Variants in ACSBG1 observed in about 807,000 individuals in gnomAD.
ACSBG1 encodes acyl-CoA synthetase bubblegum family member 1, also known as long-chain-fatty-acid--CoA ligase ACSBG1.
A neutral mutation model predicts 80.2 loss-of-function variants in ACSBG1; 39 were observed. That is an observed-to-expected ratio of 0.49 (90% CI 0.38 to 0.64). The LOEUF (loss-of-function observed/expected upper bound fraction) is 0.64, where lower values mean the gene tolerates loss of function less well. ACSBG1 is among the 30% of genes least tolerant of loss of function. ACSBG1 has a pLI of 0.00. For missense variants in ACSBG1, 828 were observed against 966.4 expected (o/e 0.86, Z 1.90); for synonymous variants, 392 against 379.5 (o/e 1.03, Z -0.38).
chr15:78,175,570 G>A (rs1459542799), intron 11 of ACSBG1, among the ~76,000 whole-genome samples: 1 of 152,222 alleles, frequency 6.6e-6, no homozygotes, highest in African/African-American at 2.4e-5. Context: ...CAGGCCTTAA[G>A]GGAACTGCAG....
At chr15:78,208,938 A>G (rs1034839537) in intron 1 of ACSBG1, among the ~76,000 whole-genome samples, 1 of 152,174 alleles carries the variant, frequency 6.6e-6, no homozygotes, top group African/African-American at 2.4e-5. Context: ...ACACTTTAGG[A>G]CTGCAACAGG....
chr15:78,209,635 A>C (rs555308017), intron 1 of ACSBG1, among the ~76,000 whole-genome samples: 1 of 152,286 alleles, frequency 6.6e-6, no homozygotes, highest in Admixed American at 6.5e-5. Flanking sequence ...CAGCGACGGC[A>C]AACGAGGGAC....
In ACSBG1 at chr15:78,178,972, G is replaced by C. The variant is rs1276355408; in HGVS notation, c.1485-141C>G. 1.8e-5 allele frequency: 15 copies of C among 831,290 alleles called. No homozygotes were observed. In the East Asian group the frequency reaches 4.0e-4, roughly 22 times the overall value. 51.5% of individuals were successfully genotyped at this position (831,290 alleles called of 1,614,324 possible). A position where few individuals can be genotyped will look rare whatever the true frequency, so the allele number is the denominator to read the frequency against. On this transcript the variant is annotated intron_variant, in intron 10 of 13. Transcript: ENST00000258873. The surrounding 1 kb of genome is among the most constrained non-coding windows in gnomAD (Gnocchi z 4.3). The stretch of plus-strand genomic sequence containing the variant: ...ACAGGGCTTTTGTATTTTTACAGGG[G>C]ACTTACAGCTGAAAGGTAGAGCCAA...
chr15:78,210,730 C>T (rs2075259661), intron 1 of ACSBG1, among the ~76,000 whole-genome samples: 1 of 152,216 alleles, frequency 6.6e-6, no homozygotes, highest in African/African-American at 2.4e-5. Flanking sequence ...CCTCTCATCT[C>T]AGCTTCCTGA....
intron 9 of ACSBG1, among the ~76,000 whole-genome samples, 163 bp from the exon 10 acceptor site, chr15:78,179,943 T>C (rs1031563196): frequency 3.3e-5 from 5 of 152,212 alleles, no homozygotes; most frequent in African/African-American, 1.2e-4. Flanking sequence ...ATATTGAACC[T>C]GCCCGTGAAC....
chr15:78,199,658 C>CT (rs1221257567), intron 2 of ACSBG1, among the ~76,000 whole-genome samples: 9,903 of 138,188 alleles, frequency 0.072, 394 homozygotes, highest in African/African-American at 0.12. Context: ...CCATTCCCAG[C>CT]TTTTTTTTTT....
intron 1 of ACSBG1, among the ~76,000 whole-genome samples, chr15:78,220,335 A>G (rs1256032879): frequency 1.3e-5 from 2 of 152,248 alleles, no homozygotes; most frequent in African/African-American, 2.4e-5. Flanking sequence ...ACTCAAATGT[A>G]TAAAAGATCT....
At chr15:78,211,619 A>G (rs994436719) in intron 1 of ACSBG1, among the ~76,000 whole-genome samples, 4 of 152,250 alleles carry the variant, frequency 2.6e-5, no homozygotes, top group African/African-American at 9.6e-5. Context: ...CATGGGAACA[A>G]GAAAACAAAG....
chr15:78,223,506 A>G (rs1186807406), intron 1 of ACSBG1, among the ~76,000 whole-genome samples: 2 of 152,202 alleles, frequency 1.3e-5, no homozygotes, highest in African/African-American at 4.8e-5. Context: ...TAATGAGTCT[A>G]TTTCAGGCAC....
intron 1 of ACSBG1, among the ~76,000 whole-genome samples, chr15:78,215,766 G>A (rs1025808793): frequency 2.0e-5 from 3 of 149,938 alleles, no homozygotes; most frequent in Non-Finnish European, 4.4e-5. Context: ...AAGAAAGAAA[G>A]AAAGAAAGAA....
At chr15:78,182,346 C>T (rs1199651013) in intron 7 of ACSBG1, 120 bp downstream of exon 7, 4 of 1,423,116 alleles carry the variant, frequency 2.8e-6, no homozygotes, top group Non-Finnish European at 3.8e-6. Flanking sequence ...TCTACCTATC[C>T]CAGCTCCTAG....
In ACSBG1 at chr15:78,185,968, T is replaced by C. The variant is rs370889361; in HGVS notation, c.664-3183A>G. 1.2e-4 allele frequency among the ~76,000 whole-genome samples: 18 copies of C among 152,302 alleles called. No homozygotes were observed. In the East Asian group the frequency reaches 3.1e-3, roughly 26 times the overall value. On this transcript the variant is annotated intron_variant, in intron 5 of 13. Transcript: ENST00000258873. ...AGCACCTTTTCAGACAAAGACAAGC[T>C]GAAAGAATGTATTGCCATCAGACCT...
At chr15:78,229,941 T>G (rs150257595) in intron 1 of ACSBG1, among the ~76,000 whole-genome samples, 35 of 152,288 alleles carry the variant, frequency 2.3e-4, no homozygotes, top group African/African-American at 7.7e-4. Flanking sequence ...CGTAACATCT[T>G]CACAATCATG....
intron 7 of ACSBG1, 110 bp downstream of exon 7, chr15:78,182,356 G>A: frequency 6.8e-7 from 1 of 1,468,516 alleles, no homozygotes; most frequent in Non-Finnish European, 9.2e-7. Flanking sequence ...CCAGCTCCTA[G>A]AGCAGAGGGG....
Position 78,178,606 on chromosome 15 carries a change from G to A in ACSBG1, c.1702+8C>T. The A allele has an allele frequency of 6.2e-7, 1 of 1,602,994 alleles. No homozygotes were observed. The highest frequency in any genetic ancestry group is 1.1e-5 in the South Asian group (1 of 89,912). On this transcript the variant is annotated splice_region_variant and intron_variant, in intron 11 of 13. Transcript: ENST00000258873. This position sits in a 1 kb window ranked among gnomAD's most constrained non-coding sequence, Gnocchi z 4.3. ...CATGAGCCACCGTGCCTGGCCTGGG[G>A]TGCTCACCTTTGAGGCGCCCAGTGA...
intron 1 of ACSBG1, among the ~76,000 whole-genome samples, chr15:78,217,824 C>A (rs966850872): frequency 1.3e-5 from 2 of 152,100 alleles, no homozygotes; most frequent in African/African-American, 4.8e-5. Context: ...CTCGGCCTCC[C>A]AAAAGTGCTG....
chr15:78,180,949 G>A lies in ACSBG1; in HGVS notation c.1072-13C>T, dbSNP rs1346241657. On this transcript the variant is annotated splice_polypyrimidine_tract_variant and intron_variant, in intron 8 of 13. Transcript: ENST00000258873. ...TCACCAGGCTCCCCTGTTCACACCA[G>A]AAGAGGCAGGCCTGTTGGGTCAGGG... 4 of 1,611,474 alleles carry A rather than the reference G, an allele frequency of 2.5e-6. No homozygotes were observed. Among genetic ancestry groups the A allele is most frequent in the East Asian group, 4.5e-5 (2 of 44,836 alleles).
At chr15:78,208,906 C>A (rs746137282) in intron 1 of ACSBG1, among the ~76,000 whole-genome samples, 1 of 152,250 alleles carries the variant, frequency 6.6e-6, no homozygotes, top group Non-Finnish European at 1.5e-5. Flanking sequence ...TCCTAGATGG[C>A]TGAGCAGCTG....
Position 78,182,009 on chromosome 15 carries a change from C to A in ACSBG1, c.1031G>T (p.Trp344Leu), listed in dbSNP as rs942945597. The change falls in exon 8 of 14, where the codon TGG becomes TTG. Residue 344 changes from tryptophan to leucine, a missense_variant. Trp to Leu is a moderately conservative substitution (Grantham distance 61). This residue lies in a region of ACSBG1 where 271 missense variants were observed against 375.9 expected (regional missense o/e 0.72). Coordinates refer to ENST00000258873, the MANE Select transcript of ACSBG1 (RefSeq NM_015162.5). ...TTCGGCAAAGCAAACCTGGGCCCCC[C>A]ACTGGATGCCTGTCCACAGGTCGTA... ...QIYDLWTGIQWGAQVCFAEPD... is the reference protein window; with the variant it reads ...QIYDLWTGIQLGAQVCFAEPD... 6.2e-7 allele frequency: 1 copy of A among 1,614,174 alleles called. No homozygotes were observed. Among genetic ancestry groups the A allele is most frequent in the Non-Finnish European group, 8.5e-7 (1 of 1,180,036 alleles).
Sources: gnomAD v4.1 joint callset for allele counts (sites outside exome capture counted in the v4.1 genomes callset) on GRCh38, gnomAD v4.1.1 for gene constraint, gnomAD v4.1.1 regional missense constraint, Gnocchi (gnomAD v3.1) non-coding constraint, MANE v1.5 for transcripts, NCBI Gene and HGNC (gene_info 2026-07-23, HGNC 2026-07-21) for gene names.